MAB21L1: variants seen among roughly 807,000 people sequenced by gnomAD.
MAB21L1 encodes putative nucleotidyltransferase MAB21L1.
A neutral mutation model predicts 28.9 loss-of-function variants in MAB21L1; 8 were observed. The ratio of observed to expected loss-of-function variants is 0.28; its 90% CI spans 0.16 to 0.50. MAB21L1 has a LOEUF of 0.50. MAB21L1 is among the 20% of genes least tolerant of loss of function. The pLI, the probability that MAB21L1 is intolerant of heterozygous loss-of-function variation, is 0.98. For missense variants in MAB21L1, 388 were observed against 466.5 expected, an observed-to-expected ratio of 0.83 and a Z score of 1.55; for synonymous variants, 219 against 198.2, an observed-to-expected ratio of 1.10 and a Z score of -0.88.
chr13:35,475,632 C>T lies in MAB21L1; in HGVS notation c.507G>A (p.Gln169=). 6.2e-7 allele frequency: 1 copy of T among 1,613,882 alleles called. No individual in the cohort carries two copies. Among genetic ancestry groups the T allele is most frequent in the Non-Finnish European group, 8.5e-7 (1 of 1,179,998 alleles). ...KLRIRDRYVV[Q]ITPAFKCTGI... ...CGGTGCATTTAAAGGCCGGCGTGAT[C>T]TGCACCACGTACCTATCTCGGATTC... The change falls in exon 1 of 1, where the codon CAG becomes CAA. Residue 169 remains glutamine (Q), a synonymous_variant. Transcript: ENST00000379919.
chr13:35,476,315 C>T lies in MAB21L1; in HGVS notation c.-177G>A, dbSNP rs1306877527. ...GGTTTCCCTGCTGCTGCTGCTGCTG[C>T]TGCTGCTGCTGCTGCTGCTGCTGCT... On this transcript the variant is annotated 5_prime_UTR_variant, in exon 1 of 1. Transcript: ENST00000379919. The T allele has an allele frequency of 4.3e-6, 4 of 924,062 alleles. No individual in the cohort carries two copies. Among genetic ancestry groups the T allele is most frequent in the Non-Finnish European group, 6.2e-6 (4 of 648,928 alleles). 57.2% of individuals were successfully genotyped at this position (924,062 alleles called of 1,614,324 possible).
Position 35,475,163 on chromosome 13 carries a change from G to A in MAB21L1, c.976C>T (p.Leu326=). The change falls in exon 1 of 1, where the codon CTG becomes TTG. Residue 326 remains leucine (L), a synonymous_variant. Transcript: ENST00000379919. ...GCTGAGTGAGGTTTGCCTTGAAACA[G>A]ATCTAAGTTCGGTAGAAAGTAGTGG... The part of the protein sequence containing the change: ...CPHYFLPNLD[L]FQGKPHSALE... 2 of 1,614,096 alleles carry A rather than the reference G, an allele frequency of 1.2e-6. No individual in the cohort carries two copies. The highest frequency in any genetic ancestry group is 1.7e-6 in the Non-Finnish European group (2 of 1,180,018).
At position 35,474,617 on chromosome 13, in the gene MAB21L1, A is replaced by G. The variant is rs1301333046; in HGVS notation, c.*442T>C. On this transcript the variant is annotated 3_prime_UTR_variant, in exon 1 of 1. Transcript: ENST00000379919. Reference sequence around the variant, plus strand: ...ACACTTTCAAAGACAATGTGAGATCACAATATTTGTTACAAATCAAAATAT... The same window carrying G: ...ACACTTTCAAAGACAATGTGAGATCGCAATATTTGTTACAAATCAAAATAT... The G allele has an allele frequency of 1.3e-5, 2 of 155,860 alleles. No homozygotes were observed. The highest frequency in any genetic ancestry group is 1.3e-4 in the Admixed American group (2 of 15,830). 9.7% of individuals were successfully genotyped at this position (155,860 alleles called of 1,614,324 possible).
chr13:35,475,419 T>G lies in MAB21L1; in HGVS notation c.720A>C (p.Arg240Ser). The G allele has an allele frequency of 6.2e-7, 1 of 1,613,522 alleles. No individual in the cohort carries two copies. Among genetic ancestry groups the G allele is most frequent in the Non-Finnish European group, 8.5e-7 (1 of 1,179,914 alleles). The change falls in exon 1 of 1, where the codon AGA (arginine) becomes AGC (serine). Residue 240 changes from arginine to serine, a missense_variant. Physicochemically the swap from Arg to Ser is moderately radical, Grantham distance 110. Transcript: ENST00000379919. ...WVLQFAEAEN[R>S]LQMGGCRKKC... ...TCTTTCTGCAGCCCCCCATCTGCAG[T>G]CTGTTCTCTGCCTCCGCGAACTGCA...
Position 35,474,896 on chromosome 13 carries a change from T to TG in MAB21L1, c.*162dup. The TG allele has an allele frequency of 2.3e-6, 2 of 861,002 alleles. No homozygotes were observed. The highest frequency in any genetic ancestry group is 3.5e-6 in the Non-Finnish European group (2 of 573,618). The allele number at this position is 861,002 out of a possible 1,614,324, so 53.3% of individuals were successfully genotyped here. ...CCGCTTCCCCTACTTTTTCTCCCCT[T>TG]GTGGGGGTGGGTGAGATGATGTTTA... On this transcript the variant is annotated 3_prime_UTR_variant, in exon 1 of 1. Transcript: ENST00000379919.
rs774516279 is a variant in MAB21L1 at position 35,475,332 on chromosome 13, C to T, written c.807G>A (p.Leu269=). Residue 269 remains leucine, a synonymous_variant, in exon 1 of 1, where the codon TTG becomes TTA. Transcript: ENST00000379919. The part of the protein sequence containing the change: ...DRHLELPGQP[L]NNYHMKTLVS... ...CCAGAGTCTTCATATGGTAATTGTT[C>T]AAGGGCTGGCCCGGCAGTTCAAGGT... 1 of 1,614,038 alleles carries T rather than the reference C, an allele frequency of 6.2e-7. No individual in the cohort carries two copies. Among genetic ancestry groups the T allele is most frequent in the Non-Finnish European group, 8.5e-7 (1 of 1,180,008 alleles).
Position 35,475,907 on chromosome 13 carries a change from G to A in MAB21L1, c.232C>T (p.Leu78Phe). The A allele has an allele frequency of 6.2e-7, 1 of 1,614,164 alleles. No individual in the cohort carries two copies. Among genetic ancestry groups the A allele is most frequent in the East Asian group, 2.2e-5 (1 of 44,866 alleles). Residue 78 changes from leucine to phenylalanine, a missense_variant, in exon 1 of 1, where the codon CTT becomes TTT. Physicochemically the swap from Leu to Phe is conservative, Grantham distance 22 (BLOSUM62 0). Around this residue, in one of 3 missense-constraint regions of MAB21L1, gnomAD observed 81 missense variants for 153.7 expected, o/e 0.53. Transcript: ENST00000379919. ...VISPTEFEVV[L>F]YLNQMGVFNF... The stretch of plus-strand genomic sequence containing the variant: ...AACACCCCCATTTGGTTGAGATAAA[G>A]CACCACTTCAAATTCGGTGGGGGAG...
Position 35,476,004 on chromosome 13 carries a change from C to T in MAB21L1, c.135G>A (p.Val45=). 2 of 1,614,188 alleles carry T rather than the reference C, an allele frequency of 1.2e-6. No homozygotes were observed. Among genetic ancestry groups the T allele is most frequent in the Non-Finnish European group, 1.7e-6 (2 of 1,180,036 alleles). ...CKVVSDVLKE[V]EVQEPRFISS... is the part of the protein sequence containing the mutation. ...TGATGAACCGCGGCTCCTGCACTTCCACTTCCTTCAGTACGTCGGAAACTA... is the reference window on the plus strand; with the variant it reads ...TGATGAACCGCGGCTCCTGCACTTCTACTTCCTTCAGTACGTCGGAAACTA... Residue 45 remains valine, a synonymous_variant, in exon 1 of 1, where the codon GTG becomes GTA. Transcript: ENST00000379919.
In MAB21L1 at chr13:35,475,383, G is replaced by A. The variant is rs2075818072; in HGVS notation, c.756C>T (p.Ser252=). Residue 252 remains serine, a synonymous_variant, in exon 1 of 1, where the codon TCC becomes TCT. Coordinates refer to ENST00000379919, the MANE Select transcript of MAB21L1 (RefSeq NM_005584.5). ...QMGGCRKKCL[S]ILKTLRDRHL... is the part of the protein sequence containing the mutation. ...GACGATCCCTTAAGGTTTTGAGGAT[G>A]GAGAGGCACTTCTTTCTGCAGCCCC... 3 of 1,613,736 alleles carry A rather than the reference G, an allele frequency of 1.9e-6. No homozygotes were observed. Among genetic ancestry groups the A allele is most frequent in the Non-Finnish European group, 1.7e-6 (2 of 1,180,008 alleles).
At position 35,474,404 on chromosome 13, in the gene MAB21L1, TTAGAAA is replaced by T. The variant is rs1566186925; in HGVS notation, c.*649_*654del. The T allele has an allele frequency of 6.6e-6, 1 of 152,646 alleles. No individual in the cohort carries two copies. The highest frequency in any genetic ancestry group is 2.4e-5 in the African/African-American group (1 of 41,460). 9.5% of individuals were successfully genotyped at this position (152,646 alleles called of 1,614,324 possible). A position where few individuals can be genotyped will look rare whatever the true frequency, so the allele number is the denominator to read the frequency against. On this transcript the variant is annotated 3_prime_UTR_variant, in exon 1 of 1. Transcript: ENST00000379919. ...ACATTTCAAGTATATTTATGGAATG[TTAGAAA>T]TAGAACAAGCAATATTTGAAACAAA...
Position 35,476,383 on chromosome 13 carries a change from G to A in MAB21L1, c.-245C>T. On this transcript the variant is annotated 5_prime_UTR_variant, in exon 1 of 1. Coordinates refer to ENST00000379919, the MANE Select transcript of MAB21L1 (RefSeq NM_005584.5). Reference sequence around the variant, plus strand: ...TCCCTTCCTTTTATCTTTGAGCCCAGCCGTTCTTAAAGTGAAAGACTGTCC... The same window carrying A: ...TCCCTTCCTTTTATCTTTGAGCCCAACCGTTCTTAAAGTGAAAGACTGTCC... The A allele has an allele frequency of 8.6e-7, 1 of 1,157,848 alleles. No homozygotes were observed. Among genetic ancestry groups the A allele is most frequent in the East Asian group, 2.5e-5 (1 of 39,236 alleles). 71.7% of individuals were successfully genotyped at this position (1,157,848 alleles called of 1,614,324 possible). A position where few individuals can be genotyped will look rare whatever the true frequency, so the allele number is the denominator to read the frequency against.
In MAB21L1 at chr13:35,475,178, G is replaced by C; in HGVS notation, c.961C>G (p.Leu321Val). The change falls in exon 1 of 1, where the codon CTA becomes GTA. Residue 321 changes from leucine to valine, a missense_variant. Physicochemically the swap from Leu to Val is conservative, Grantham distance 32 (BLOSUM62 1). Coordinates refer to ENST00000379919, the MANE Select transcript of MAB21L1 (RefSeq NM_005584.5). The part of the protein sequence containing the change: ...LQCRRCPHYF[L>V]PNLDLFQGKP... ...CCTTGAAACAGATCTAAGTTCGGTA[G>C]AAAGTAGTGGGGACACCGCCGGCAC... 6.2e-7 allele frequency: 1 copy of C among 1,614,118 alleles called. No homozygotes were observed. The highest frequency in any genetic ancestry group is 8.5e-7 in the Non-Finnish European group (1 of 1,180,014).
At position 35,475,126 on chromosome 13, in the gene MAB21L1, G is replaced by C; in HGVS notation, c.1013C>G (p.Ala338Gly). The C allele has an allele frequency of 6.2e-7, 1 of 1,614,076 alleles. No homozygotes were observed. Among genetic ancestry groups the C allele is most frequent in the Non-Finnish European group, 8.5e-7 (1 of 1,180,014 alleles). ...QGKPHSALEN[A>G]AKQTWRLARE... is the part of the protein sequence containing the mutation. ...TGCCAGTCGCCACGTTTGTTTGGCA[G>C]CGTTTTCCAGAGCTGAGTGAGGTTT... The change falls in exon 1 of 1, where the codon GCT becomes GGT. Residue 338 changes from alanine (A) to glycine (G), a missense_variant. Ala to Gly is a moderately conservative substitution (Grantham distance 60). Around this residue, in one of 3 missense-constraint regions of MAB21L1, gnomAD observed 218 missense variants for 220.6 expected, o/e 0.99. Transcript: ENST00000379919.
chr13:35,476,450 TG>T lies in MAB21L1; in HGVS notation c.-313del. On this transcript the variant is annotated 5_prime_UTR_variant, in exon 1 of 1. It removes the in-frame stop codon of an upstream open reading frame in the 5' UTR. Transcript: ENST00000379919. ...CTCTCTTCCTCTTTTAAAGAATCCT[TG>T]TGTGAGAGAACCGCATGGAGAGATC... 1 of 888,570 alleles carries T rather than the reference TG, an allele frequency of 1.1e-6. No individual in the cohort carries two copies. The highest frequency in any genetic ancestry group is 1.8e-6 in the Non-Finnish European group (1 of 548,728). The allele number at this position is 888,570 out of a possible 1,614,324, so 55.0% of individuals were successfully genotyped here. A position where few individuals can be genotyped will look rare whatever the true frequency, so the allele number is the denominator to read the frequency against.
rs368025803 is a variant in MAB21L1 at position 35,475,481 on chromosome 13, C to G, written c.658G>C (p.Gly220Arg). Residue 220 changes from glycine to arginine, a missense_variant, in exon 1 of 1, where the codon GGC becomes CGC. By Grantham distance (125) the Gly-to-Arg change is moderately radical. Coordinates refer to ENST00000379919, the MANE Select transcript of MAB21L1 (RefSeq NM_005584.5). ...TCGCTCTCCGCCGAGCTCTGCTTGC[C>G]GGCCAAGGAGTGGCACTCCTTGGAC... ...LLSKECHSLA[G>R]KQSSAESDAW... 2 of 1,612,292 alleles carry G rather than the reference C, an allele frequency of 1.2e-6. No homozygotes were observed. Among genetic ancestry groups the G allele is most frequent in the African/African-American group, 1.3e-5 (1 of 74,672 alleles).
rs2075871128 is a variant in MAB21L1 at position 35,476,352 on chromosome 13, TG to T, written c.-215del. 2 of 1,207,676 alleles carry T rather than the reference TG, an allele frequency of 1.7e-6. No homozygotes were observed. Among genetic ancestry groups the T allele is most frequent in the Non-Finnish European group, 2.4e-6 (2 of 845,088 alleles). The allele number at this position is 1,207,676 out of a possible 1,614,324, so 74.8% of individuals were successfully genotyped here. On this transcript the variant is annotated 5_prime_UTR_variant, in exon 1 of 1. Coordinates refer to ENST00000379919, the MANE Select transcript of MAB21L1 (RefSeq NM_005584.5). Reference sequence around the variant, plus strand: ...CTGCTGCTGCTGCTGCTGCTGCTGCTGCTTTTCCCTTCCTTTTATCTTTGAG... The same window carrying T: ...CTGCTGCTGCTGCTGCTGCTGCTGCTCTTTTCCCTTCCTTTTATCTTTGAG...
chr13:35,475,778 C>A lies in MAB21L1; in HGVS notation c.361G>T (p.Gly121Cys). ...SLWVEFITAS[G>C]YLSARKIRSR... ...CGGATTTTGCGCGCCGAGAGGTAGC[C>A]GGAGGCGGTAATGAATTCCACCCAG... The change falls in exon 1 of 1, where the codon GGC becomes TGC. Residue 121 changes from glycine (G) to cysteine (C), a missense_variant. Physicochemically the swap from Gly to Cys is radical, Grantham distance 159 (BLOSUM62 -3). Around this residue, in one of 3 missense-constraint regions of MAB21L1, gnomAD observed 81 missense variants for 153.7 expected, o/e 0.53. Transcript: ENST00000379919. 6.2e-7 allele frequency: 1 copy of A among 1,613,884 alleles called. No individual in the cohort carries two copies. The highest frequency in any genetic ancestry group is 8.5e-7 in the Non-Finnish European group (1 of 1,179,962).
rs1304612731 is a variant in MAB21L1, at chr13:35,475,361, G to A, written c.778C>T (p.Arg260Cys). ...GGCTGGCCCGGCAGTTCAAGGTGACGATCCCTTAAGGTTTTGAGGATGGAG... is the reference window on the plus strand; with the variant it reads ...GGCTGGCCCGGCAGTTCAAGGTGACAATCCCTTAAGGTTTTGAGGATGGAG... ...CLSILKTLRDRHLELPGQPLN... is the reference protein window; with the variant it reads ...CLSILKTLRDCHLELPGQPLN... Residue 260 changes from arginine (R) to cysteine (C), a missense_variant, in exon 1 of 1, where the codon CGT (arginine) becomes TGT (cysteine). Coordinates refer to ENST00000379919, the MANE Select transcript of MAB21L1 (RefSeq NM_005584.5). 6.2e-7 allele frequency: 1 copy of A among 1,613,944 alleles called. No individual in the cohort carries two copies. Among genetic ancestry groups the A allele is most frequent in the Non-Finnish European group, 8.5e-7 (1 of 1,179,992 alleles).
Position 35,474,822 on chromosome 13 carries a change from C to G in MAB21L1, c.*237G>C, listed in dbSNP as rs1211763927. ...GTACTTTTCAAGGGAGATAGGAAATCGTGTGGAAAGAAGTCTTCTAATACT... is the reference window on the plus strand; with the variant it reads ...GTACTTTTCAAGGGAGATAGGAAATGGTGTGGAAAGAAGTCTTCTAATACT... On this transcript the variant is annotated 3_prime_UTR_variant, in exon 1 of 1. Transcript: ENST00000379919. 2.0e-6 allele frequency: 1 copy of G among 493,400 alleles called. No homozygotes were observed. Among genetic ancestry groups the G allele is most frequent in the Admixed American group, 3.8e-5 (1 of 26,564 alleles). The allele number at this position is 493,400 out of a possible 1,614,324, so 30.6% of individuals were successfully genotyped here. A position where few individuals can be genotyped will look rare whatever the true frequency, so the allele number is the denominator to read the frequency against.
Sources: gnomAD v4.1 joint callset for allele counts on GRCh38, gnomAD v4.1.1 for gene constraint, gnomAD v4.1.1 regional missense constraint, MANE v1.5 for transcripts, NCBI Gene and HGNC (gene_info 2026-07-23, HGNC 2026-07-21) for gene names.